Variants in MYO3B observed in about 807,000 individuals in gnomAD.
MYO3B encodes myosin IIIB, also known as myosin-IIIb.
A neutral mutation model predicts 174.6 loss-of-function variants in MYO3B; 156 were observed. The observed-to-expected ratio is 0.89, with a 90% CI of 0.78 to 1.02. MYO3B has a LOEUF of 1.02. Among genes scored for constraint, MYO3B ranks in the 50% least tolerant of loss-of-function variants. The probability of loss-of-function intolerance (pLI) is 0.00; values close to 1 mark genes in which losing one functional copy is unlikely to be tolerated. For missense variants in MYO3B, 1,632 were observed against 1,639.4 expected (o/e 1.00, Z 0.08); for synonymous variants, 563 against 569.1 (o/e 0.99, Z 0.15).
intron 1 of MYO3B, among the ~76,000 whole-genome samples, chr2:170,197,171 G>C (rs2092610573): frequency 6.6e-6 from 1 of 151,958 alleles, no homozygotes; most frequent in Admixed American, 6.6e-5. Context: ...CAAGTGCCCA[G>C]TGCCTCGCCA....
chr2:170,553,636 C>G (rs1691076885), intron 32 of MYO3B, among the ~76,000 whole-genome samples: 3 of 152,066 alleles, frequency 2.0e-5, no homozygotes, highest in Non-Finnish European at 4.4e-5. Context: ...TGGGTTAATG[C>G]TGGAATGAGT....
At chr2:170,339,320 G>C (rs974640424) in intron 8 of MYO3B, among the ~76,000 whole-genome samples, 10 of 152,186 alleles carry the variant, frequency 6.6e-5, no homozygotes, top group African/African-American at 2.2e-4. Context: ...AGGACAAAAA[G>C]TTCCTTAACG....
chr2:170,282,527 G>A (rs2093519768), intron 7 of MYO3B, among the ~76,000 whole-genome samples: 1 of 152,080 alleles, frequency 6.6e-6, no homozygotes, highest in African/African-American at 2.4e-5. Flanking sequence ...ATATTTTAAA[G>A]TCAGGCAGTG....
At chr2:170,643,327 G>T (rs1257812687) in intron 32 of MYO3B, among the ~76,000 whole-genome samples, 1 of 152,172 alleles carries the variant, frequency 6.6e-6, no homozygotes, top group Non-Finnish European at 1.5e-5. Flanking sequence ...AGAAAAGACA[G>T]GTCATGTCTT....
intron 25 of MYO3B, among the ~76,000 whole-genome samples, chr2:170,491,637 G>C (rs191765834): frequency 2.3e-4 from 35 of 152,320 alleles, no homozygotes; most frequent in Admixed American, 6.5e-4. Context: ...CCCTTAGCCA[G>C]GACGGTCTCA....
intron 32 of MYO3B, among the ~76,000 whole-genome samples, chr2:170,567,925 T>C (rs1051012391): frequency 6.6e-6 from 1 of 152,184 alleles, no homozygotes; most frequent in Non-Finnish European, 1.5e-5. Flanking sequence ...TAATATAACA[T>C]CACATAGAAA....
At chr2:170,258,293 A>G (rs962562967) in intron 7 of MYO3B, among the ~76,000 whole-genome samples, 2 of 152,314 alleles carry the variant, frequency 1.3e-5, no homozygotes, top group Admixed American at 1.3e-4. Flanking sequence ...CCTGATGAAT[A>G]TAGATACAAA....
chr2:170,334,053 A>G (rs2093930168), intron 7 of MYO3B: 1 of 152,160 alleles, frequency 6.6e-6, no homozygotes, highest in African/African-American at 2.4e-5. Context: ...GCTTTGTCGT[A>G]TTCAGCTCAT....
rs757092959 is a variant in MYO3B at position 170,386,240 on chromosome 2, C to T, written c.1342C>T (p.Leu448=). 4 of 1,613,504 alleles carry T rather than the reference C, an allele frequency of 2.5e-6. No homozygotes were observed. Among genetic ancestry groups the T allele is most frequent in the Non-Finnish European group, 3.4e-6 (4 of 1,179,678 alleles). Reference sequence around the variant, plus strand: ...CTCTGGGAAGACAGAAAGCGCCCACCTGATTGTTCAGCATTTGACTTTCTT... The same window carrying T: ...CTCTGGGAAGACAGAAAGCGCCCACTTGATTGTTCAGCATTTGACTTTCTT... The part of the protein sequence containing the change: ...SGSGKTESAH[L]IVQHLTFLGK... The change falls in exon 13 of 35, where the codon CTG becomes TTG. Residue 448 remains leucine (L), a synonymous_variant. Coordinates refer to ENST00000408978, the MANE Select transcript of MYO3B (RefSeq NM_138995.5).
Position 170,563,028 on chromosome 2 carries a change from GCATA to G in MYO3B, c.3733+19043_3733+19046del, listed in dbSNP as rs201647943. Among the ~76,000 whole-genome samples, 268 of 53,176 alleles carry G rather than the reference GCATA, an allele frequency of 5.0e-3. 1 individual carries two copies. Among genetic ancestry groups the G allele is most frequent in the African/African-American group, 0.016 (244 of 15,326 alleles). The allele number at this position is 53,176 out of a possible 152,430, so 34.9% of individuals were successfully genotyped here. On this transcript the variant is annotated intron_variant, in intron 32 of 34. Coordinates refer to ENST00000408978, the MANE Select transcript of MYO3B (RefSeq NM_138995.5). Reference sequence around the variant, plus strand: ...TGAACACTACAAAGTTGTAAAACATGCATACACACACACACACACACACACACAC... The same window carrying G: ...TGAACACTACAAAGTTGTAAAACATGCACACACACACACACACACACACAC...
intron 22 of MYO3B, among the ~76,000 whole-genome samples, chr2:170,423,405 A>T (rs2094634114): frequency 6.6e-6 from 1 of 152,198 alleles, no homozygotes; most frequent in Admixed American, 6.5e-5. Flanking sequence ...AGAAATGCCA[A>T]GGAGCCCTTC....
chr2:170,442,848 C>A (rs2094812083), intron 22 of MYO3B, among the ~76,000 whole-genome samples: 1 of 152,196 alleles, frequency 6.6e-6, no homozygotes, highest in Non-Finnish European at 1.5e-5. Flanking sequence ...TTTTTTATGG[C>A]TGCATAGTAT....
chr2:170,593,145 T>A (rs1422268280), intron 32 of MYO3B, among the ~76,000 whole-genome samples: 1 of 152,074 alleles, frequency 6.6e-6, no homozygotes, highest in Non-Finnish European at 1.5e-5. Flanking sequence ...TTGCCCAGGG[T>A]GGAGTGTAGT....
chr2:170,212,596 C>T (rs1559303184), intron 3 of MYO3B, among the ~76,000 whole-genome samples: 2 of 151,444 alleles, frequency 1.3e-5, no homozygotes, highest in South Asian at 4.2e-4. Flanking sequence ...GATTGGTAGA[C>T]ACATAAAAGG....
At chr2:170,183,935 T>C (rs1166648754) in intron 1 of MYO3B, among the ~76,000 whole-genome samples, 2 of 152,174 alleles carry the variant, frequency 1.3e-5, no homozygotes, top group East Asian at 3.8e-4. Context: ...CCATTTTTAA[T>C]GGTGTTTCAT....
chr2:170,629,859 A>G (rs971127634), intron 32 of MYO3B, among the ~76,000 whole-genome samples: 1 of 152,184 alleles, frequency 6.6e-6, no homozygotes, highest in Non-Finnish European at 1.5e-5. Flanking sequence ...AAAAACAAAC[A>G]AACAAAACCC....
chr2:170,198,112 GTTTT>G (rs10571296), intron 1 of MYO3B, among the ~76,000 whole-genome samples: 63,743 of 143,310 alleles, frequency 0.44, 14,211 homozygotes, highest in African/African-American at 0.57. Context: ...TCTCCTTTGG[GTTTT>G]TTTTTTTTTT....
intron 32 of MYO3B, among the ~76,000 whole-genome samples, chr2:170,587,723 G>A (rs927824981): frequency 2.0e-5 from 3 of 152,184 alleles, no homozygotes; most frequent in African/African-American, 7.2e-5. Context: ...CAGAAGGTTT[G>A]TTTGCAGTGT....
intron 9 of MYO3B, among the ~76,000 whole-genome samples, chr2:170,377,183 G>C (rs2094300167): frequency 1.3e-5 from 2 of 152,240 alleles, no homozygotes; most frequent in Non-Finnish European, 2.9e-5. Context: ...TGAGATATTA[G>C]AGAACAATGA....
Sources: allele counts gnomAD v4.1 joint callset (sites outside exome capture counted in the v4.1 genomes callset), GRCh38; gene constraint gnomAD v4.1.1; transcripts MANE v1.5; gene names NCBI Gene and HGNC (gene_info 2026-07-23, HGNC 2026-07-21).